SERPINB9: variants seen among roughly 807,000 people sequenced by gnomAD.
The protein encoded by SERPINB9 is serpin B9.
SERPINB9 carries 20 observed loss-of-function variants against 27.2 expected under a neutral mutation model. The ratio of observed to expected loss-of-function variants is 0.74; its 90% CI spans 0.52 to 1.07. The LOEUF (loss-of-function observed/expected upper bound fraction) is 1.07, where lower values mean the gene tolerates loss of function less well. Among genes scored for constraint, SERPINB9 ranks in the 50% least tolerant of loss-of-function variants. SERPINB9 has a pLI of 0.00. For synonymous variants in SERPINB9, 189 were observed against 180.0 expected (o/e 1.05, Z -0.40); for missense variants, 476 against 460.1 (o/e 1.03, Z -0.32).
intron 1 of SERPINB9, among the ~76,000 whole-genome samples, chr6:2,900,885 T>TCTCTCTCTCTCACACACACACACA (rs61100591): frequency 3.5e-5 from 5 of 141,574 alleles, no homozygotes; most frequent in African/African-American, 1.4e-4. Flanking sequence ...GCTCGCTCTC[T>TCTCTCTCTCTCACACACACACACA]CACACACACA....
intron 3 of SERPINB9, 107 bp downstream of exon 3, chr6:2,895,946 T>A (rs1329310886): frequency 4.0e-5 from 50 of 1,259,964 alleles, no homozygotes; most frequent in East Asian, 1.0e-4. Flanking sequence ...GCAATTTTTT[T>A]AAATTGGTTA....
rs150835119 is a variant in SERPINB9 at position 2,901,927 on chromosome 6, C to A, written c.-11+1274G>T. ...CCTTGGACAATGAACACAACCCACT[C>A]CCCCAGCCACCCCCACGCCACAGCC... is the stretch of plus-strand genomic sequence containing the variant. On this transcript the variant is annotated intron_variant, in intron 1 of 6. Transcript: ENST00000380698. 2.7e-3 allele frequency among the ~76,000 whole-genome samples: 415 copies of A among 152,044 alleles called. 1 individual carries two copies. Among genetic ancestry groups the A allele is most frequent in the South Asian group, 8.1e-3 (39 of 4,816 alleles).
intron 2 of SERPINB9, among the ~76,000 whole-genome samples, chr6:2,898,872 GTC>G (rs1282688109): frequency 1.3e-5 from 2 of 151,708 alleles, no homozygotes; most frequent in African/African-American, 4.8e-5. Context: ...AAGGGTGGTT[GTC>G]TCTGTTTGAT....
In SERPINB9 at chr6:2,890,137, GGCCGAGT is replaced by G; in HGVS notation, c.*19_*25del. ...TCTGGGGACACAGGAAGAGGGAAAT[GGCCGAGT>G]GCACGGTAAGTGCACCCTTTATGGC... is the stretch of plus-strand genomic sequence containing the variant. On this transcript the variant is annotated 3_prime_UTR_variant, in exon 7 of 7. Transcript: ENST00000380698. The surrounding 1 kb of genome is among the most constrained non-coding windows in gnomAD (Gnocchi z 6.2). 1 of 1,592,760 alleles carries G rather than the reference GGCCGAGT, an allele frequency of 6.3e-7. No homozygotes were observed. The highest frequency in any genetic ancestry group is 8.6e-7 in the Non-Finnish European group (1 of 1,166,850).
chr6:2,896,558 G>A (rs983969137), intron 2 of SERPINB9, among the ~76,000 whole-genome samples: 2 of 152,132 alleles, frequency 1.3e-5, no homozygotes, highest in African/African-American at 4.8e-5. Context: ...TATTACATGA[G>A]CAATGTGATT....
intron 1 of SERPINB9, among the ~76,000 whole-genome samples, chr6:2,902,215 C>T (rs1768228863): frequency 6.6e-6 from 1 of 152,208 alleles, no homozygotes; most frequent in Non-Finnish European, 1.5e-5. Context: ...ATTAATTCCA[C>T]TCACCCTCAA....
intron 2 of SERPINB9, among the ~76,000 whole-genome samples, chr6:2,898,205 T>C (rs1254444449): frequency 6.6e-6 from 1 of 151,574 alleles, no homozygotes; most frequent in Non-Finnish European, 1.5e-5. Flanking sequence ...TTTTGAGGGA[T>C]TTTTTTTTCT....
rs768184499 is a variant in SERPINB9, at chr6:2,890,363, G to T, written c.931C>A (p.Leu311Met). The part of the protein sequence containing the change: ...SAMSAERDLC[L>M]SKFVHKSFVE... ...AAACTCTTGTGCACGAACTTGGACAGACACAGGTCTCTCTCCGCTGACATT... is the reference window on the plus strand; with the variant it reads ...AAACTCTTGTGCACGAACTTGGACATACACAGGTCTCTCTCCGCTGACATT... The change falls in exon 7 of 7, where the codon CTG becomes ATG. Residue 311 changes from leucine (L) to methionine (M), a missense_variant. By Grantham distance (15) the Leu-to-Met change is conservative (BLOSUM62 2). Coordinates refer to ENST00000380698, the MANE Select transcript of SERPINB9 (RefSeq NM_004155.6). This position sits in a 1 kb window ranked among gnomAD's most constrained non-coding sequence, Gnocchi z 6.2. 2.5e-6 allele frequency: 4 copies of T among 1,614,240 alleles called. No homozygotes were observed. In the East Asian group the frequency reaches 8.9e-5, roughly 36 times the overall value.
In SERPINB9 at chr6:2,893,862, GT is replaced by G. The variant is rs1767908149; in HGVS notation, c.425-310del. Reference sequence around the variant, plus strand: ...AGGAAATGTGATAGGCTGAAGGGGTGTTTGTCTCACATGGTTAATTGGAGTG... The same window carrying G: ...AGGAAATGTGATAGGCTGAAGGGGTGTTGTCTCACATGGTTAATTGGAGTG... On this transcript the variant is annotated intron_variant, in intron 4 of 6. Transcript: ENST00000380698. 3.3e-5 allele frequency among the ~76,000 whole-genome samples: 5 copies of G among 152,232 alleles called. No homozygotes were observed. In the South Asian group the frequency reaches 1.0e-3, roughly 32 times the overall value.
In SERPINB9 at chr6:2,891,115, C is replaced by T. The variant is rs552440350; in HGVS notation, c.724-545G>A. On this transcript the variant is annotated intron_variant, in intron 6 of 6. Coordinates refer to ENST00000380698, the MANE Select transcript of SERPINB9 (RefSeq NM_004155.6). The surrounding 1 kb of genome is among the most constrained non-coding windows in gnomAD (Gnocchi z 4.0). ...GCAGAGGGAGAGCCAATGGCTGCTG[C>T]GCACACAGACCTCTTAAGTCATGGG... 5.9e-4 allele frequency among the ~76,000 whole-genome samples: 90 copies of T among 152,166 alleles called. No individual in the cohort carries two copies. Among genetic ancestry groups the T allele is most frequent in the Admixed American group, 2.5e-3 (38 of 15,280 alleles).
rs908478532 is a variant in SERPINB9, at chr6:2,889,038, T to C, written c.*1125A>G. The C allele has an allele frequency of 3.9e-5, 6 of 152,194 alleles. No individual in the cohort carries two copies. The highest frequency in any genetic ancestry group is 1.4e-4 in the African/African-American group (6 of 41,448). The allele number at this position is 152,194 out of a possible 1,614,324, so 9.4% of individuals were successfully genotyped here. A position where few individuals can be genotyped will look rare whatever the true frequency, so the allele number is the denominator to read the frequency against. On this transcript the variant is annotated 3_prime_UTR_variant, in exon 7 of 7. Transcript: ENST00000380698. Reference sequence around the variant, plus strand: ...CAGAGATTAATAAAAATAAAAGAACTACCACGAAAGAAGTGCCCTCCAAGT... The same window carrying C: ...CAGAGATTAATAAAAATAAAAGAACCACCACGAAAGAAGTGCCCTCCAAGT...
chr6:2,896,277 TA>T, intron 2 of SERPINB9, 87 bp from the exon 3 acceptor site: 1 of 1,231,496 alleles, frequency 8.1e-7, no homozygotes, highest in Non-Finnish European at 1.2e-6. Context: ...AACAGGCGAG[TA>T]AAAGATGTAG....
intron 2 of SERPINB9, among the ~76,000 whole-genome samples, chr6:2,898,107 A>G (rs1768062308): frequency 6.6e-6 from 1 of 152,094 alleles, no homozygotes; most frequent in Admixed American, 6.6e-5. Flanking sequence ...CAAAACAAAC[A>G]AAAAACAGAA....
intron 1 of SERPINB9, 80 bp from the exon 2 acceptor site, chr6:2,900,701 G>A (rs1768168974): frequency 1.6e-6 from 2 of 1,234,068 alleles, no homozygotes; most frequent in African/African-American, 1.5e-5. Flanking sequence ...GGCAATTTTG[G>A]AATCGTACTT....
In SERPINB9 at chr6:2,888,650, T is replaced by C. The variant is rs1581189302; in HGVS notation, c.*1513A>G. ...TAAATCCATAGAGACAGAAAGCAGA[T>C]TGGTGGTTGCTGGGGGCTGGAGGAA... On this transcript the variant is annotated 3_prime_UTR_variant, in exon 7 of 7. Coordinates refer to ENST00000380698, the MANE Select transcript of SERPINB9 (RefSeq NM_004155.6). The C allele has an allele frequency of 6.6e-6, 1 of 152,106 alleles. No homozygotes were observed. Among genetic ancestry groups the C allele is most frequent in the South Asian group, 2.1e-4 (1 of 4,826 alleles). 9.4% of individuals were successfully genotyped at this position (152,106 alleles called of 1,614,324 possible).
rs759474262 is a variant in SERPINB9, at chr6:2,890,220, G to A, written c.1074C>T (p.Phe358=). ...TGCTGTTGGCTCTGTTGTGCCTGAT[G>A]AAGAAAAGGAAAGGGTGGTCAGCAC... ...RFCADHPFLF[F]IRHNRANSIL... Residue 358 remains phenylalanine, a synonymous_variant, in exon 7 of 7, where the codon TTC becomes TTT. Transcript: ENST00000380698. This position sits in a 1 kb window ranked among gnomAD's most constrained non-coding sequence, Gnocchi z 6.2. 1.2e-6 allele frequency: 2 copies of A among 1,614,210 alleles called. No individual in the cohort carries two copies. Among genetic ancestry groups the A allele is most frequent in the East Asian group, 2.2e-5 (1 of 44,888 alleles).
In SERPINB9 at chr6:2,889,981, T is replaced by G; in HGVS notation, c.*182A>C. 3.9e-6 allele frequency: 2 copies of G among 512,476 alleles called. No individual in the cohort carries two copies. The highest frequency in any genetic ancestry group is 6.8e-6 in the Non-Finnish European group (2 of 293,680). 31.7% of individuals were successfully genotyped at this position (512,476 alleles called of 1,614,324 possible). On this transcript the variant is annotated 3_prime_UTR_variant, in exon 7 of 7. Transcript: ENST00000380698. ...ATGGTCTATTTTCTCAAGATTCTGA[T>G]TAAGTAGCATAAGCGAGTGTGGAGC...
At chr6:2,898,939 A>G (rs1037840015) in intron 2 of SERPINB9, among the ~76,000 whole-genome samples, 1 of 152,154 alleles carries the variant, frequency 6.6e-6, no homozygotes, top group Non-Finnish European at 1.5e-5. Flanking sequence ...AAATTTTTAT[A>G]GTGGACTTTT....
chr6:2,888,183 T>TTATTA lies in SERPINB9; in HGVS notation c.*1979_*1980insTAATA, dbSNP rs1394564870. 5 of 152,110 alleles carry TTATTA rather than the reference T, an allele frequency of 3.3e-5. No homozygotes were observed. The highest frequency in any genetic ancestry group is 9.7e-5 in the African/African-American group (4 of 41,422). The allele number at this position is 152,110 out of a possible 1,614,324, so 9.4% of individuals were successfully genotyped here. A position where few individuals can be genotyped will look rare whatever the true frequency, so the allele number is the denominator to read the frequency against. On this transcript the variant is annotated 3_prime_UTR_variant, in exon 7 of 7. Transcript: ENST00000380698. ...TTTAAAAAAAGGAAAAGGAAAATAA[T>TTATTA]AAGTGTTGGTGAGGAAGTGGACAGA... is the stretch of plus-strand genomic sequence containing the variant.
Sources: gnomAD v4.1 joint callset for allele counts (sites outside exome capture counted in the v4.1 genomes callset) on GRCh38, gnomAD v4.1.1 for gene constraint, Gnocchi (gnomAD v3.1) non-coding constraint, MANE v1.5 for transcripts, NCBI Gene and HGNC (gene_info 2026-07-23, HGNC 2026-07-21) for gene names.